Variants in PPARGC1A observed in about 807,000 individuals in gnomAD.
PPARGC1A encodes the protein peroxisome proliferator-activated receptor gamma coactivator 1-alpha.
In PPARGC1A, 25 loss-of-function variants were observed where a neutral mutation model predicts 88.7. That is an observed-to-expected ratio of 0.28 (90% confidence interval 0.21 to 0.39). The LOEUF (loss-of-function observed/expected upper bound fraction) is 0.39. Among genes scored for constraint, PPARGC1A ranks in the 10% least tolerant of loss-of-function variants. PPARGC1A has a pLI of 1.00. For missense variants in PPARGC1A, 880 were observed against 968.7 expected (o/e 0.91, Z 1.22); for synonymous variants, 363 against 355.6 (o/e 1.02, Z -0.24).
the PPARGC1A span, among the ~76,000 whole-genome samples, chr4:24,455,573 C>T: frequency 6.6e-5 from 10 of 152,174 alleles, no homozygotes; most frequent in Non-Finnish European, 1.3e-4. Flanking sequence ...GAATGTGTCC[C>T]CCAAAGTTCA....
At chr4:24,073,555 T>G in the PPARGC1A span, among the ~76,000 whole-genome samples, 1 of 152,112 alleles carries the variant, frequency 6.6e-6, no homozygotes, top group Non-Finnish European at 1.5e-5. Context: ...GCCAACAACA[T>G]GAGAAATGAC....
Position 23,802,321 on chromosome 4 carries a change from C to G in PPARGC1A, c.2044G>C (p.Gly682Arg), listed in dbSNP as rs776120045. 6.2e-7 allele frequency: 1 copy of G among 1,613,298 alleles called. No individual in the cohort carries two copies. The highest frequency in any genetic ancestry group is 8.5e-7 in the Non-Finnish European group (1 of 1,179,826). The change falls in exon 11 of 13, where the codon GGT becomes CGT. Residue 682 changes from glycine to arginine, a missense_variant. Physicochemically the swap from Gly to Arg is moderately radical, Grantham distance 125. Transcript: ENST00000264867. The stretch of plus-strand genomic sequence containing the variant: ...CGTGTTGTGTCAGGTCTGATTTTAC[C>G]GACATAAATCACACGGCGCTCTTCC... ...AIEERRVIYVGKIRPDTTRTE... is the reference protein window; with the variant it reads ...AIEERRVIYVRKIRPDTTRTE...
chr4:24,324,052 G>A, the PPARGC1A span, among the ~76,000 whole-genome samples: 1 of 152,208 alleles, frequency 6.6e-6, no homozygotes, highest in African/African-American at 2.4e-5. Flanking sequence ...TCACGGACTG[G>A]GAAGGCAGCT....
chr4:24,363,888 T>C, the PPARGC1A span, among the ~76,000 whole-genome samples: 3 of 152,194 alleles, frequency 2.0e-5, no homozygotes, highest in African/African-American at 7.2e-5. Flanking sequence ...TCTCCATGAC[T>C]GCCTTTATGA....
chr4:24,246,910 G>A, the PPARGC1A span, among the ~76,000 whole-genome samples: 1 of 151,970 alleles, frequency 6.6e-6, no homozygotes, highest in Non-Finnish European at 1.5e-5. Context: ...TACACATGTT[G>A]GGTGCTTGCT....
At chr4:23,813,527 A>G (rs1287544919) in intron 8 of PPARGC1A, among the ~76,000 whole-genome samples, 163 bp downstream of exon 8, 1 of 152,222 alleles carries the variant, frequency 6.6e-6, no homozygotes, top group Non-Finnish European at 1.5e-5. Context: ...GAACATGGAG[A>G]GAGATGTGAG....
chr4:24,301,529 G>A, the PPARGC1A span, among the ~76,000 whole-genome samples: 10 of 150,962 alleles, frequency 6.6e-5, no homozygotes, highest in African/African-American at 9.8e-5. Context: ...GAGCGGTTAC[G>A]GTCAGCTGTT....
chr4:23,820,661 T>A (rs899432623), intron 7 of PPARGC1A: 1 of 438,188 alleles, frequency 2.3e-6, no homozygotes, highest in Admixed American at 2.4e-5. Context: ...AGAGTTTTTT[T>A]ATCAGCCAAA....
the PPARGC1A span, among the ~76,000 whole-genome samples, chr4:24,452,140 C>A: frequency 1.3e-5 from 2 of 152,102 alleles, no homozygotes; most frequent in South Asian, 4.2e-4. Context: ...CTGAAACTCT[C>A]CCCTGGATCT....
the PPARGC1A span, among the ~76,000 whole-genome samples, chr4:24,108,910 T>C: frequency 1.3e-5 from 2 of 151,998 alleles, no homozygotes; most frequent in Non-Finnish European, 2.9e-5. Context: ...TTTAAAATAC[T>C]GGAAAGAATT....
the PPARGC1A span, among the ~76,000 whole-genome samples, chr4:23,996,776 C>A: frequency 6.6e-6 from 1 of 152,172 alleles, no homozygotes; most frequent in South Asian, 2.1e-4. Flanking sequence ...GCATTAATGC[C>A]CCCATTGGCA....
the PPARGC1A span, among the ~76,000 whole-genome samples, chr4:24,008,737 C>G: frequency 6.6e-6 from 1 of 151,682 alleles, no homozygotes; most frequent in African/African-American, 2.4e-5. Context: ...TTGACAGAAT[C>G]TAATCACTAG....
chr4:24,187,694 A>T, the PPARGC1A span, among the ~76,000 whole-genome samples: 3 of 152,232 alleles, frequency 2.0e-5, no homozygotes, highest in African/African-American at 7.2e-5. Flanking sequence ...GGAGGATTAG[A>T]CGTCTATTAA....
At chr4:24,031,136 A>G in the PPARGC1A span, among the ~76,000 whole-genome samples, 2 of 152,154 alleles carry the variant, frequency 1.3e-5, no homozygotes, top group Non-Finnish European at 2.9e-5. Flanking sequence ...GTCCCTGGCA[A>G]CAGCACAGAG....
chr4:24,182,368 G>A, the PPARGC1A span, among the ~76,000 whole-genome samples: 7 of 152,166 alleles, frequency 4.6e-5, no homozygotes, highest in Non-Finnish European at 7.3e-5. Flanking sequence ...TGGTGTATGT[G>A]TGCCACATTT....
At chr4:23,953,098 G>GTAAA in the PPARGC1A span, among the ~76,000 whole-genome samples, 4 of 151,896 alleles carry the variant, frequency 2.6e-5, no homozygotes, top group South Asian at 4.1e-4. Context: ...TCTGAAAATA[G>GTAAA]TAAATAAATA....
intron 12 of PPARGC1A, among the ~76,000 whole-genome samples, chr4:23,796,829 C>T (rs1717699244): frequency 6.6e-6 from 1 of 151,974 alleles, no homozygotes; most frequent in Non-Finnish European, 1.5e-5. Flanking sequence ...GAAAACAAAA[C>T]CATTCTGGAA....
chr4:24,369,128 T>C, the PPARGC1A span, among the ~76,000 whole-genome samples: 1 of 152,144 alleles, frequency 6.6e-6, no homozygotes, highest in Non-Finnish European at 1.5e-5. Flanking sequence ...GAGATCAGCA[T>C]TACTGGAGAA....
chr4:24,254,362 C>T, the PPARGC1A span, among the ~76,000 whole-genome samples: 2 of 152,138 alleles, frequency 1.3e-5, no homozygotes, highest in African/African-American at 4.8e-5. Context: ...AGCTCTGGAG[C>T]CTGTCTTTTC....
Sources: gnomAD v4.1 joint callset for allele counts (sites outside exome capture counted in the v4.1 genomes callset) on GRCh38, gnomAD v4.1.1 for gene constraint, MANE v1.5 for transcripts, NCBI Gene and HGNC (gene_info 2026-07-23, HGNC 2026-07-21) for gene names.